The following ZFAND3 variants were observed in gnomAD, a reference collection of about 807,000 sequenced individuals.
ZFAND3 encodes zinc finger AN1-type containing 3, also known as AN1-type zinc finger protein 3.
A neutral mutation model predicts 29.6 loss-of-function variants in ZFAND3; 10 were observed. The observed-to-expected ratio is 0.34, with a 90% CI of 0.21 to 0.57. ZFAND3 has a LOEUF of 0.57. ZFAND3 is among the 20% of genes least tolerant of loss of function. The pLI, the probability that ZFAND3 is intolerant of heterozygous loss-of-function variation, is 0.86. For synonymous variants in ZFAND3, 128 were observed against 112.6 expected, an observed-to-expected ratio of 1.14 and a Z score of -0.87; for missense variants, 230 against 304.5, an observed-to-expected ratio of 0.76 and a Z score of 1.82.
intron 2 of ZFAND3, among the ~76,000 whole-genome samples, chr6:37,955,709 G>A (rs146029961): frequency 6.6e-6 from 1 of 152,362 alleles, no homozygotes; most frequent in Non-Finnish European, 1.5e-5. Context: ...TAATGAGTGA[G>A]AGCTTGAGCT....
At chr6:37,929,150 A>G (rs957725677) in intron 1 of ZFAND3, among the ~76,000 whole-genome samples, 6 of 152,216 alleles carry the variant, frequency 3.9e-5, no homozygotes, top group African/African-American at 7.2e-5. Flanking sequence ...TCTCACTGCA[A>G]AAATTCAAAA....
At chr6:37,844,228 T>C (rs1425449151) in intron 1 of ZFAND3, among the ~76,000 whole-genome samples, 1 of 151,692 alleles carries the variant, frequency 6.6e-6, no homozygotes. Flanking sequence ...CTGGCCAAGA[T>C]TGATTGATTC....
intron 1 of ZFAND3, among the ~76,000 whole-genome samples, chr6:37,912,030 C>CTGTGTGTGTGTGTG (rs59017250): frequency 9.9e-4 from 139 of 139,798 alleles, no homozygotes; most frequent in African/African-American, 2.5e-3. Flanking sequence ...AGTCTTTTAT[C>CTGTGTGTGTGTGTG]TGTGTGTGTG....
chr6:38,113,335 A>T (rs2127483228), intron 4 of ZFAND3, among the ~76,000 whole-genome samples: 1 of 152,230 alleles, frequency 6.6e-6, no homozygotes. Context: ...TTTTAGGATG[A>T]TCAGTATATC....
At chr6:37,921,678 C>T (rs1355195100) in intron 1 of ZFAND3, among the ~76,000 whole-genome samples, 2 of 151,344 alleles carry the variant, frequency 1.3e-5, no homozygotes, top group African/African-American at 4.9e-5. Flanking sequence ...TGATATCCTT[C>T]AAAATTGAAA....
chr6:37,997,970 T>C (rs1176617123), intron 2 of ZFAND3, among the ~76,000 whole-genome samples: 1 of 152,182 alleles, frequency 6.6e-6, no homozygotes, highest in African/African-American at 2.4e-5. Context: ...AACTGCTATA[T>C]TGAAATTTCC....
At chr6:37,865,815 T>A (rs1048069439) in intron 1 of ZFAND3, among the ~76,000 whole-genome samples, 4 of 152,144 alleles carry the variant, frequency 2.6e-5, no homozygotes, top group Non-Finnish European at 4.4e-5. Context: ...AAGAGTGTGG[T>A]CCGTAGGTAG....
intron 2 of ZFAND3, among the ~76,000 whole-genome samples, chr6:37,958,533 CT>C (rs1762141433): frequency 6.6e-6 from 1 of 151,444 alleles, no homozygotes; most frequent in South Asian, 2.1e-4. Context: ...AAAAATAATG[CT>C]GTATTTCTGC....
At chr6:37,842,961 A>G (rs1037035320) in intron 1 of ZFAND3, among the ~76,000 whole-genome samples, 1 of 151,802 alleles carries the variant, frequency 6.6e-6, no homozygotes, top group Non-Finnish European at 1.5e-5. Flanking sequence ...GTGTCTACTA[A>G]AAATACAAAA....
At chr6:37,949,059 T>C (rs932050664) in intron 2 of ZFAND3, among the ~76,000 whole-genome samples, 2 of 152,168 alleles carry the variant, frequency 1.3e-5, no homozygotes, top group Non-Finnish European at 1.5e-5. Flanking sequence ...TCAGTGGCGG[T>C]ACTAATTTAC....
At chr6:37,837,848 G>A (rs1403798286) in intron 1 of ZFAND3, among the ~76,000 whole-genome samples, 1 of 152,162 alleles carries the variant, frequency 6.6e-6, no homozygotes, top group Non-Finnish European at 1.5e-5. Flanking sequence ...AGAACAGCGT[G>A]TATACCAATA....
chr6:37,930,021 T>C (rs763876267), intron 2 of ZFAND3, 22 bp downstream of exon 2: 2 of 1,560,002 alleles, frequency 1.3e-6, no homozygotes, highest in Admixed American at 1.9e-5. Context: ...AAAAGGGTTT[T>C]TTAATTTACT....
chr6:38,068,243 A>C (rs1195385096), intron 3 of ZFAND3, among the ~76,000 whole-genome samples: 1 of 152,218 alleles, frequency 6.6e-6, no homozygotes, highest in Non-Finnish European at 1.5e-5. Flanking sequence ...ACAAGCTAAG[A>C]ATGATTTTTA....
intron 2 of ZFAND3, among the ~76,000 whole-genome samples, chr6:38,023,322 A>G (rs1259172851): frequency 1.3e-5 from 2 of 152,230 alleles, no homozygotes; most frequent in African/African-American, 4.8e-5. Flanking sequence ...TGATTGAAGT[A>G]TTATTCCCAA....
intron 1 of ZFAND3, among the ~76,000 whole-genome samples, chr6:37,877,456 C>A (rs1048181488): frequency 6.6e-6 from 1 of 151,910 alleles, no homozygotes; most frequent in African/African-American, 2.4e-5. Flanking sequence ...GCTTGGATTA[C>A]AGTAGTAATA....
chr6:37,837,384 A>T (rs1037231312), intron 1 of ZFAND3, among the ~76,000 whole-genome samples: 1 of 152,186 alleles, frequency 6.6e-6, no homozygotes, highest in Non-Finnish European at 1.5e-5. Flanking sequence ...ATTTTCTGTA[A>T]ACATTCTTCA....
chr6:37,934,015 G>A (rs941092496), intron 2 of ZFAND3, among the ~76,000 whole-genome samples: 3 of 148,026 alleles, frequency 2.0e-5, no homozygotes, highest in Admixed American at 6.8e-5. Flanking sequence ...AGCCTCCCAA[G>A]TAGCTGGGAT....
At chr6:37,961,542 T>C (rs1269458359) in intron 2 of ZFAND3, among the ~76,000 whole-genome samples, 1 of 152,208 alleles carries the variant, frequency 6.6e-6, no homozygotes, top group Non-Finnish European at 1.5e-5. Context: ...ACAGTGGGCC[T>C]TGGGTGAAAC....
At chr6:38,137,724 C>T (rs948456335) in intron 5 of ZFAND3, among the ~76,000 whole-genome samples, 2 of 152,116 alleles carry the variant, frequency 1.3e-5, no homozygotes, top group East Asian at 3.9e-4. Context: ...CCTGGGAGGA[C>T]ATGAAAGCTG....
Sources: allele counts gnomAD v4.1 joint callset (sites outside exome capture counted in the v4.1 genomes callset), GRCh38; gene constraint gnomAD v4.1.1; transcripts MANE v1.5; gene names NCBI Gene and HGNC (gene_info 2026-07-23, HGNC 2026-07-21).